CYP3A5: variants seen among roughly 807,000 people sequenced by gnomAD.
The protein encoded by CYP3A5 is cytochrome P450 3A5.
CYP3A5 carries 51 observed loss-of-function variants against 55.9 expected under a neutral mutation model. The observed-to-expected ratio is 0.91, with a 90% CI of 0.73 to 1.15. The LOEUF is 1.15. CYP3A5 is among the 50% of genes most tolerant of loss of function. CYP3A5 has a pLI of 0.00. For synonymous variants in CYP3A5, 196 were observed against 213.9 expected, an observed-to-expected ratio of 0.92 and a Z score of 0.73; for missense variants, 533 against 596.6, an observed-to-expected ratio of 0.89 and a Z score of 1.11.
At chr7:99,654,971 G>C (rs1322414082) in intron 10 of CYP3A5, among the ~76,000 whole-genome samples, 4 of 152,180 alleles carry the variant, frequency 2.6e-5, no homozygotes, top group Admixed American at 2.6e-4. Flanking sequence ...GTAGATTCTG[G>C]ATATTAGCCC....
At chr7:99,667,131 T>C in intron 4 of CYP3A5, 66 bp from the exon 5 acceptor site, 3 of 1,435,078 alleles carry the variant, frequency 2.1e-6, no homozygotes, top group East Asian at 4.6e-5. Context: ...GCACAAAATA[T>C]ATTGAAGAGG....
Position 99,652,665 on chromosome 7 carries a change from C to T in CYP3A5, c.1141G>A (p.Val381Ile), listed in dbSNP as rs1367415307. The T allele has an allele frequency of 1.2e-6, 2 of 1,614,144 alleles. No individual in the cohort carries two copies. The highest frequency in any genetic ancestry group is 1.1e-5 in the South Asian group (1 of 91,082). The change falls in exon 11 of 13, where the codon GTT becomes ATT. Residue 381 changes from valine (V) to isoleucine (I), a missense_variant. By Grantham distance (29) the Val-to-Ile change is conservative. Coordinates refer to ENST00000222982, the MANE Select transcript of CYP3A5 (RefSeq NM_000777.5). ...IRLERTCKKD[V>I]EINGVFIPKG... ...GGAATGAATACCCCATTGATTTCAACATCTTTCTTGCAAGTCCTCTCAAGT... is the reference window on the plus strand; with the variant it reads ...GGAATGAATACCCCATTGATTTCAATATCTTTCTTGCAAGTCCTCTCAAGT...
intron 1 of CYP3A5, 92 bp downstream of exon 1, chr7:99,679,734 T>A: frequency 8.2e-7 from 1 of 1,223,270 alleles, no homozygotes; most frequent in East Asian, 2.3e-5. Flanking sequence ...CTTGAACATC[T>A]CTTTTGATCT....
rs542675580 is a variant in CYP3A5, at chr7:99,655,191, C to G, written c.1027-2412G>C. Among the ~76,000 whole-genome samples, 20 of 152,258 alleles carry G rather than the reference C, an allele frequency of 1.3e-4. No individual in the cohort carries two copies. In the South Asian group the frequency reaches 2.1e-3, roughly 16 times the overall value. ...TGAATGATATTGCCTAGGTTTTCTT[C>G]TAGGGTTTTTATGGTTTTAGGTCTA... On this transcript the variant is annotated intron_variant, in intron 10 of 12. Coordinates refer to ENST00000222982, the MANE Select transcript of CYP3A5 (RefSeq NM_000777.5).
chr7:99,666,490 C>T, intron 6 of CYP3A5, 111 bp downstream of exon 6: 1 of 1,211,512 alleles, frequency 8.3e-7, no homozygotes, highest in Non-Finnish European at 1.2e-6. Flanking sequence ...CAGCGCTGCC[C>T]TGCTTTTGTC....
rs1227919578 is a variant in CYP3A5 at position 99,676,130 on chromosome 7, A to C, written c.150T>G (p.Val50=). Residue 50 remains valine (V), a synonymous_variant, in exon 2 of 13, where the codon GTT becomes GTG. Coordinates refer to ENST00000222982, the MANE Select transcript of CYP3A5 (RefSeq NM_000777.5). Reference sequence around the variant, plus strand: ...AGCAACTCACCTGACGATAGGACAAAACATTTCCCAACAAAGGCAGAGGTG... The same window carrying C: ...AGCAACTCACCTGACGATAGGACAACACATTTCCCAACAAAGGCAGAGGTG... ...GPTPLPLLGN[V]LSYRQGLWKF... The C allele has an allele frequency of 6.2e-7, 1 of 1,613,588 alleles. No individual in the cohort carries two copies. Among genetic ancestry groups the C allele is most frequent in the Non-Finnish European group, 8.5e-7 (1 of 1,179,828 alleles).
intron 4 of CYP3A5, chr7:99,671,599 A>G (rs1296745425): frequency 2.1e-6 from 1 of 465,498 alleles, no homozygotes; most frequent in Non-Finnish European, 3.8e-6. Flanking sequence ...CAAAATGGGT[A>G]ATAGAGTTAC....
At position 99,666,668 on chromosome 7, in the gene CYP3A5, A is replaced by G. The variant is rs752110760; in HGVS notation, c.454T>C (p.Tyr152His). Reference protein sequence around the residue: ...LKEMFPIIAQYGDVLVRNLRR... With the variant: ...LKEMFPIIAQHGDVLVRNLRR... ...AAGTTTCTCACCAATACATCTCCAT[A>G]CTGGGCAATGATGGGGAACATCTAA... is the stretch of plus-strand genomic sequence containing the variant. Residue 152 changes from tyrosine (Y) to histidine (H), a missense_variant, in exon 6 of 13, where the codon TAT becomes CAT. Transcript: ENST00000222982. The G allele has an allele frequency of 5.3e-5, 85 of 1,613,870 alleles. No homozygotes were observed. Among genetic ancestry groups the G allele is most frequent in the Non-Finnish European group, 6.9e-5 (81 of 1,179,942 alleles).
At chr7:99,672,042 TTTGTTGTTG>T (rs573372567) in intron 4 of CYP3A5, among the ~76,000 whole-genome samples, 4 of 151,728 alleles carry the variant, frequency 2.6e-5, no homozygotes, top group Non-Finnish European at 4.4e-5. Flanking sequence ...TTTGCCGGTT[TTTGTTGTTG>T]TTGTTGTTGT....
chr7:99,656,780 A>C (rs1397678934), intron 10 of CYP3A5, among the ~76,000 whole-genome samples: 1 of 152,110 alleles, frequency 6.6e-6, no homozygotes, highest in East Asian at 1.9e-4. Context: ...GTCTATTCAG[A>C]GTTTCAACTT....
rs747393325 is a variant in CYP3A5 at position 99,676,406 on chromosome 7, CA to C, written c.72-199del. 20 of 1,503,808 alleles carry C rather than the reference CA, an allele frequency of 1.3e-5. No homozygotes were observed. The East Asian group carries it at 5.1e-4, about 38-fold the overall frequency. 93.2% of individuals were successfully genotyped at this position (1,503,808 alleles called of 1,614,324 possible). On this transcript the variant is annotated intron_variant, in intron 1 of 12. Transcript: ENST00000222982. ...CTATTCTGAGACCCCTGAAAAGTCT[CA>C]ATGATTAGCTGAAAGCAGCTGAAGT...
intron 9 of CYP3A5, 95 bp from the exon 10 acceptor site, chr7:99,660,754 G>T: frequency 5.6e-6 from 8 of 1,432,316 alleles, no homozygotes; most frequent in Non-Finnish European, 6.7e-6. Flanking sequence ...ATCCCAAGAA[G>T]AAAAAATGGA....
chr7:99,666,984 A>T lies in CYP3A5; in HGVS notation c.400T>A (p.Ser134Thr). 6.2e-7 allele frequency: 1 copy of T among 1,614,038 alleles called. No individual in the cohort carries two copies. The highest frequency in any genetic ancestry group is 8.5e-7 in the Non-Finnish European group (1 of 1,179,980). ...AGTTTTCCGCTGGTGAAGGTTGGAG[A>T]CAGCAATGACCGTATTCTCTTCCAT... ...EEWKRIRSLL[S>T]PTFTSGKLKE... Residue 134 changes from serine to threonine, a missense_variant, in exon 5 of 13, where the codon TCT (serine) becomes ACT (threonine). By Grantham distance (58) the Ser-to-Thr change is moderately conservative (BLOSUM62 1). Transcript: ENST00000222982.
At position 99,674,568 on chromosome 7, in the gene CYP3A5, G is replaced by T. The variant is rs1332786109; in HGVS notation, c.183C>A (p.Asp61Glu). 1 of 1,613,584 alleles carries T rather than the reference G, an allele frequency of 6.2e-7. No homozygotes were observed. Among genetic ancestry groups the T allele is most frequent in the Non-Finnish European group, 8.5e-7 (1 of 1,179,678 alleles). Residue 61 changes from aspartate to glutamate, a missense_variant, in exon 3 of 13, where the codon GAC becomes GAA. Transcript: ENST00000222982. ...LSYRQGLWKF[D>E]TECYKKYGKM... ...TTCCATACTTTTTATAGCACTCTGT[G>T]TCAAATTTCCAGAGACCCTGGGAGA...
Position 99,666,026 on chromosome 7 carries a change from TC to T in CYP3A5, c.521+574del, listed in dbSNP as rs541483729. On this transcript the variant is annotated intron_variant, in intron 6 of 12. Transcript: ENST00000222982. ...GACAGGCTCAGATTACACCTGTCGT[TC>T]CTGCATAATTGAAGCACATACCATT... 2.0e-4 allele frequency among the ~76,000 whole-genome samples: 31 copies of T among 152,362 alleles called. No individual in the cohort carries two copies. The East Asian group carries it at 5.8e-3, about 28-fold the overall frequency.
chr7:99,673,138 T>C (rs764816415), intron 3 of CYP3A5, among the ~76,000 whole-genome samples: 13 of 152,188 alleles, frequency 8.5e-5, no homozygotes, highest in Admixed American at 3.9e-4. Flanking sequence ...GGGCAGTTGG[T>C]GTGGGGCCCA....
intron 4 of CYP3A5, among the ~76,000 whole-genome samples, chr7:99,667,890 AT>A (rs1264971617): frequency 6.6e-6 from 1 of 152,224 alleles, no homozygotes; most frequent in Non-Finnish European, 1.5e-5. Flanking sequence ...GAACTAAAAA[AT>A]GCCCACTCTC....
intron 6 of CYP3A5, 87 bp downstream of exon 6, chr7:99,666,513 TA>T: frequency 1.4e-6 from 2 of 1,384,724 alleles, no homozygotes; most frequent in Non-Finnish European, 2.0e-6. Flanking sequence ...GTCACTGGAG[TA>T]ACCCAACAGT....
Position 99,672,648 on chromosome 7 carries a change from T to C in CYP3A5, c.250A>G (p.Ile84Val). The change falls in exon 4 of 13, where the codon ATC (isoleucine) becomes GTC (valine). Residue 84 changes from isoleucine (I) to valine (V), a missense_variant. By Grantham distance (29) the Ile-to-Val change is conservative (BLOSUM62 3). Coordinates refer to ENST00000222982, the MANE Select transcript of CYP3A5 (RefSeq NM_000777.5). Reference protein sequence around the residue: ...TYEGQLPVLAITDPDVIRTVL... With the variant: ...TYEGQLPVLAVTDPDVIRTVL... ...GTTCTGATCACGTCGGGATCTGTGA[T>C]GGCCAGCACAGGGAGTTGACCTTCA... 1.9e-6 allele frequency: 3 copies of C among 1,614,192 alleles called. No individual in the cohort carries two copies. The highest frequency in any genetic ancestry group is 2.5e-6 in the Non-Finnish European group (3 of 1,180,010).
Sources: gnomAD v4.1 joint callset for allele counts (sites outside exome capture counted in the v4.1 genomes callset) on GRCh38, gnomAD v4.1.1 for gene constraint, MANE v1.5 for transcripts, NCBI Gene and HGNC (gene_info 2026-07-23, HGNC 2026-07-21) for gene names.